The following ZMYM4 variants were observed in gnomAD, a reference collection of about 807,000 sequenced individuals.
The protein encoded by ZMYM4 is zinc finger MYM-type protein 4.
A neutral mutation model predicts 183.2 loss-of-function variants in ZMYM4; 31 were observed. The ratio of observed to expected loss-of-function variants is 0.17; its 90% confidence interval spans 0.13 to 0.23. ZMYM4 has a LOEUF of 0.23. ZMYM4 is among the 10% of genes least tolerant of loss of function. The pLI, the probability that ZMYM4 is intolerant of heterozygous loss-of-function variation, is 1.00. For synonymous variants in ZMYM4, 592 were observed against 631.2 expected (o/e 0.94, Z 0.93); for missense variants, 1,273 against 1,840.3 (o/e 0.69, Z 5.64).
chr1:35,403,666 C>T (rs1644951849), intron 23 of ZMYM4, among the ~76,000 whole-genome samples: 1 of 152,124 alleles, frequency 6.6e-6, no homozygotes, highest in South Asian at 2.1e-4. Context: ...GTAATGGTGA[C>T]ATTATAAAAT....
At chr1:35,403,945 T>C (rs935721916) in intron 23 of ZMYM4, among the ~76,000 whole-genome samples, 1 of 152,162 alleles carries the variant, frequency 6.6e-6, no homozygotes, top group African/African-American at 2.4e-5. Flanking sequence ...CTAAGTTGTT[T>C]AATTTATTGG....
chr1:35,376,992 C>T (rs556872036), intron 7 of ZMYM4, among the ~76,000 whole-genome samples: 24 of 150,788 alleles, frequency 1.6e-4, no homozygotes, highest in South Asian at 2.1e-4. Context: ...CTGCAACTTC[C>T]GCCTCCCAGG....
At chr1:35,317,270 TAA>T (rs1230405658) in intron 1 of ZMYM4, among the ~76,000 whole-genome samples, 1 of 151,978 alleles carries the variant, frequency 6.6e-6, no homozygotes, top group East Asian at 1.9e-4. Flanking sequence ...CTGTCTCTGC[TAA>T]AAACACAAAA....
At chr1:35,314,578 C>T (rs1641955373) in intron 1 of ZMYM4, among the ~76,000 whole-genome samples, 1 of 151,472 alleles carries the variant, frequency 6.6e-6, no homozygotes, top group Non-Finnish European at 1.5e-5. Context: ...AGCCACTGCG[C>T]CTGGCCCCAG....
intron 2 of ZMYM4, among the ~76,000 whole-genome samples, chr1:35,328,486 A>G (rs531595828): frequency 1.5e-4 from 13 of 88,240 alleles, no homozygotes; most frequent in Non-Finnish European, 2.8e-4. Flanking sequence ...TGTAGAGATT[A>G]GGTCTTATTA....
At chr1:35,385,349 A>C in intron 9 of ZMYM4, 93 bp from the exon 10 acceptor site, 1 of 1,322,504 alleles carries the variant, frequency 7.6e-7, no homozygotes, top group Non-Finnish European at 1.0e-6. Flanking sequence ...ACTGATTTCA[A>C]ATATTTCAAA....
intron 7 of ZMYM4, among the ~76,000 whole-genome samples, chr1:35,374,246 C>T (rs949085551): frequency 1.3e-5 from 2 of 151,460 alleles, no homozygotes; most frequent in African/African-American, 4.9e-5. Context: ...GTTGGTCAGG[C>T]TGGTCTCAAA....
chr1:35,379,447 A>G (rs1172985926), intron 7 of ZMYM4, among the ~76,000 whole-genome samples: 1 of 151,814 alleles, frequency 6.6e-6, no homozygotes, highest in Non-Finnish European at 1.5e-5. Flanking sequence ...TGTTGGCTAG[A>G]CTCGTCTCCA....
At chr1:35,274,395 AG>A (rs1343674029) in intron 1 of ZMYM4, among the ~76,000 whole-genome samples, 1 of 152,062 alleles carries the variant, frequency 6.6e-6, no homozygotes, top group Non-Finnish European at 1.5e-5. Flanking sequence ...GCATGAGGCC[AG>A]GAGTTTGAGA....
chr1:35,344,706 A>T (rs1643331286), intron 2 of ZMYM4, among the ~76,000 whole-genome samples: 1 of 151,974 alleles, frequency 6.6e-6, no homozygotes, highest in African/African-American at 2.4e-5. Flanking sequence ...TTTGTTTTAT[A>T]TGTTTCTATA....
At chr1:35,323,406 A>T (rs181938772) in intron 1 of ZMYM4, among the ~76,000 whole-genome samples, 1 of 152,184 alleles carries the variant, frequency 6.6e-6, no homozygotes, top group African/African-American at 2.4e-5. Flanking sequence ...ATGAGAAGGA[A>T]TAATAGCATC....
intron 25 of ZMYM4, among the ~76,000 whole-genome samples, chr1:35,406,256 G>A (rs1442412975): frequency 2.0e-5 from 3 of 152,192 alleles, no homozygotes; most frequent in Non-Finnish European, 4.4e-5. Context: ...AACTCATTGA[G>A]TTCCTATAGA....
In ZMYM4 at chr1:35,405,459, G is replaced by A. The variant is rs1185696927; in HGVS notation, c.3787G>A (p.Gly1263Ser). 1.1e-5 allele frequency: 17 copies of A among 1,600,108 alleles called. No homozygotes were observed. The highest frequency in any genetic ancestry group is 1.7e-5 in the Admixed American group (1 of 57,440). ...HALSQESSEP[G>S]CRVRSIKLKE... ...ACTCTCTCAAGAATCCTCAGAGCCAGGCTGTAGAGGTAAAATTTGTTTCTC... is the reference window on the plus strand; with the variant it reads ...ACTCTCTCAAGAATCCTCAGAGCCAAGCTGTAGAGGTAAAATTTGTTTCTC... Residue 1263 changes from glycine to serine, a missense_variant, in exon 25 of 30, where the codon GGC becomes AGC. Physicochemically the swap from Gly to Ser is moderately conservative, Grantham distance 56. Coordinates refer to ENST00000314607, the MANE Select transcript of ZMYM4 (RefSeq NM_005095.3).
At chr1:35,298,576 G>A (rs926296362) in intron 1 of ZMYM4, among the ~76,000 whole-genome samples, 10 of 152,126 alleles carry the variant, frequency 6.6e-5, no homozygotes, top group Non-Finnish European at 1.2e-4. Context: ...CTACTCATGC[G>A]TGTGTGCCTG....
intron 1 of ZMYM4, among the ~76,000 whole-genome samples, chr1:35,288,839 G>A (rs1640625883): frequency 6.6e-6 from 1 of 151,974 alleles, no homozygotes; most frequent in African/African-American, 2.4e-5. Context: ...CCTATAATTT[G>A]TGTCCTGGCT....
chr1:35,352,386 GCACACACA>G (rs374281470), intron 2 of ZMYM4, among the ~76,000 whole-genome samples: 33 of 128,464 alleles, frequency 2.6e-4, no homozygotes, highest in East Asian at 4.6e-4. Flanking sequence ...AAAAATTAGC[GCACACACA>G]CACACACACA....
chr1:35,286,432 A>T (rs553122332), intron 1 of ZMYM4, among the ~76,000 whole-genome samples: 24 of 152,216 alleles, frequency 1.6e-4, no homozygotes, highest in African/African-American at 5.8e-4. Context: ...CAGACCTGGA[A>T]TTAACTTGTT....
chr1:35,372,353 A>T (rs1644232159), intron 7 of ZMYM4, among the ~76,000 whole-genome samples: 1 of 152,180 alleles, frequency 6.6e-6, no homozygotes, highest in South Asian at 2.1e-4. Flanking sequence ...AATTTATTTC[A>T]TTAGAACATA....
intron 1 of ZMYM4, among the ~76,000 whole-genome samples, chr1:35,318,353 C>T (rs958236339): frequency 1.3e-5 from 2 of 151,804 alleles, no homozygotes; most frequent in Non-Finnish European, 2.9e-5. Flanking sequence ...CCACTGTGCC[C>T]GGCTGACAGT....
Sources: allele counts gnomAD v4.1 joint callset (sites outside exome capture counted in the v4.1 genomes callset), GRCh38; gene constraint gnomAD v4.1.1; transcripts MANE v1.5; gene names NCBI Gene and HGNC (gene_info 2026-07-23, HGNC 2026-07-21).